GALT: variants seen among roughly 807,000 people sequenced by gnomAD.
GALT encodes UDP-glucose--hexose-1-phosphate uridylyltransferase.
A neutral mutation model predicts 55.4 loss-of-function variants in GALT; 42 were observed. That is an observed-to-expected ratio of 0.76 (90% CI 0.59 to 0.98). GALT has a LOEUF of 0.98. Among genes scored for constraint, GALT ranks in the 50% least tolerant of loss-of-function variants. The pLI is 0.00. For synonymous variants in GALT, 154 were observed against 181.5 expected (o/e 0.85, Z 1.22); for missense variants, 407 against 495.7 (o/e 0.82, Z 1.70).
chr9:34,647,224 C>T lies in GALT; in HGVS notation c.218C>T (p.Pro73Leu). 6.2e-7 allele frequency: 1 copy of T among 1,614,150 alleles called. No individual in the cohort carries two copies. The highest frequency in any genetic ancestry group is 8.5e-7 in the Non-Finnish European group (1 of 1,180,004). Residue 73 changes from proline (P) to leucine (L), a missense_variant, in exon 2 of 11, where the codon CCT (proline) becomes CTT (leucine). Pro to Leu is a moderately conservative substitution (Grantham distance 98, BLOSUM62 -3). Transcript: ENST00000378842. The surrounding 1 kb of genome is among the most constrained non-coding windows in gnomAD (Gnocchi z 5.6). ...GTGCCCCGCCATGACCCTCTCAACC[C>T]TCTGTGTCCTGGGGCCATCCGAGCC... ...KTVPRHDPLN[P>L]LCPGAIRANG...
At position 34,649,474 on chromosome 9, in the gene GALT, C is replaced by T. The variant is rs1821199334; in HGVS notation, c.969C>T (p.Tyr323=). The T allele has an allele frequency of 1.2e-6, 2 of 1,614,078 alleles. No individual in the cohort carries two copies. The highest frequency in any genetic ancestry group is 2.7e-5 in the African/African-American group (2 of 74,928). The change falls in exon 10 of 11, where the codon TAC becomes TAT. Residue 323 remains tyrosine (Y), a synonymous_variant. Transcript: ENST00000378842. ...ATTGGCAGCTGCACGCTCATTACTA[C>T]CCTCCGCTCCTGCGCTCTGCCACTG... is the stretch of plus-strand genomic sequence containing the variant. The part of the protein sequence containing the change: ...WNHWQLHAHY[Y]PPLLRSATVR...
Position 34,650,354 on chromosome 9 carries a change from C to G in GALT, c.1060-15C>G, listed in dbSNP as rs538178324. 6.2e-7 allele frequency: 1 copy of G among 1,608,878 alleles called. No homozygotes were observed. The highest frequency in any genetic ancestry group is 1.1e-5 in the South Asian group (1 of 90,968). ...AGCCCTTATCCTCCTTAATTGCTCC[C>G]TGTCCCTTTTCCAGGCTGCAGAGAG... On this transcript the variant is annotated splice_polypyrimidine_tract_variant and intron_variant, in intron 10 of 10. Transcript: ENST00000378842.
rs2132342533 is a variant in GALT at position 34,647,575 on chromosome 9, G to A, written c.328+8G>A. The A allele has an allele frequency of 1.2e-6, 2 of 1,614,154 alleles. No homozygotes were observed. Among genetic ancestry groups the A allele is most frequent in the Non-Finnish European group, 1.7e-6 (2 of 1,180,034 alleles). On this transcript the variant is annotated splice_region_variant and intron_variant, in intron 3 of 10. Coordinates refer to ENST00000378842, the MANE Select transcript of GALT (RefSeq NM_000155.4). The surrounding 1 kb of genome is among the most constrained non-coding windows in gnomAD (Gnocchi z 5.6). ...CTGATGCCCCCAGTCCAGGTAACCT[G>A]GCTCCAACTGCTGCTGGGGAGGAGG... is the stretch of plus-strand genomic sequence containing the variant.
In GALT at chr9:34,648,436, C is replaced by T. The variant is rs111033750; in HGVS notation, c.667C>T (p.Arg223Cys). ...AGAGCCCCTGCTAATGGAGTACAGC[C>T]GCCAGGAGCTACTCAGGAAGGTGGG... Reference protein sequence around the residue: ...HGEPLLMEYSRQELLRKERLV... With the variant: ...HGEPLLMEYSCQELLRKERLV... The change falls in exon 7 of 11, where the codon CGC becomes TGC. Residue 223 changes from arginine (R) to cysteine (C), a missense_variant. Arg to Cys is a radical substitution (Grantham distance 180, BLOSUM62 -3). Coordinates refer to ENST00000378842, the MANE Select transcript of GALT (RefSeq NM_000155.4). The surrounding 1 kb of genome is among the most constrained non-coding windows in gnomAD (Gnocchi z 4.9). The T allele has an allele frequency of 2.7e-5, 43 of 1,613,998 alleles. No individual in the cohort carries two copies. Among genetic ancestry groups the T allele is most frequent in the Middle Eastern group, 1.6e-4 (1 of 6,084 alleles).
At chr9:34,649,281 C>T (rs1821193438) in intron 9 of GALT, 129 bp from the exon 10 acceptor site, 17 of 1,351,554 alleles carry the variant, frequency 1.3e-5, no homozygotes, top group Non-Finnish European at 1.7e-5. Flanking sequence ...AATCTCCTGC[C>T]AGCTCTTCTC....
intron 10 of GALT, chr9:34,650,152 A>G (rs998899807): frequency 1.8e-5 from 10 of 571,400 alleles, no homozygotes; most frequent in African/African-American, 7.5e-5. Context: ...GTATGGTGGC[A>G]TATACTTGTG....
At chr9:34,649,830 G>A (rs1249094700) in intron 10 of GALT, 7 of 471,006 alleles carry the variant, frequency 1.5e-5, no homozygotes, top group Non-Finnish European at 2.7e-5. Context: ...TGGGACTCAG[G>A]AGCTGCTAAA....
At position 34,650,444 on chromosome 9, in the gene GALT, G is replaced by A. The variant is rs780064274; in HGVS notation, c.1135G>A (p.Ala379Thr). Residue 379 changes from alanine to threonine, a missense_variant, in exon 11 of 11, where the codon GCC becomes ACC. Ala to Thr is a moderately conservative substitution (Grantham distance 58, BLOSUM62 0). Coordinates refer to ENST00000378842, the MANE Select transcript of GALT (RefSeq NM_000155.4). ...GQKDRETATI[A>T] ...GAAGGACAGGGAGACAGCAACCATC[G>A]CCTGACCACGCCGACCACAGGGCCT... is the stretch of plus-strand genomic sequence containing the variant. 1.2e-4 allele frequency: 187 copies of A among 1,613,908 alleles called. 2 individuals carry two copies. In the South Asian group the frequency reaches 2.0e-3, roughly 17 times the overall value.
In GALT at chr9:34,648,466, A is replaced by AGC. The variant is rs754928397; in HGVS notation, c.687+11_687+12dup. 6.2e-7 allele frequency: 1 copy of AGC among 1,614,136 alleles called. No homozygotes were observed. Among genetic ancestry groups the AGC allele is most frequent in the Non-Finnish European group, 8.5e-7 (1 of 1,180,022 alleles). Reference sequence around the variant, plus strand: ...GGAGCTACTCAGGAAGGTGGGAGAGAGCCAAGCCCTGTGTCCCCAAGGAGT... The same window carrying AGC: ...GGAGCTACTCAGGAAGGTGGGAGAGAGCGCCAAGCCCTGTGTCCCCAAGGAGT... On this transcript the variant is annotated intron_variant, in intron 7 of 10. Coordinates refer to ENST00000378842, the MANE Select transcript of GALT (RefSeq NM_000155.4). The surrounding 1 kb of genome is among the most constrained non-coding windows in gnomAD (Gnocchi z 4.9).
chr9:34,646,748 C>T lies in GALT; in HGVS notation c.44C>T (p.Ser15Leu), dbSNP rs759270191. 199 of 1,613,518 alleles carry T rather than the reference C, an allele frequency of 1.2e-4. No individual in the cohort carries two copies. Among genetic ancestry groups the T allele is most frequent in the Non-Finnish European group, 1.5e-4 (179 of 1,179,984 alleles). ...GTDPQQRQQA[S>L]EADAAAATFR... Reference sequence around the variant, plus strand: ...GATCCTCAGCAACGCCAGCAGGCGTCAGAGGCGGACGCCGCAGCAGCAACC... The same window carrying T: ...GATCCTCAGCAACGCCAGCAGGCGTTAGAGGCGGACGCCGCAGCAGCAACC... The change falls in exon 1 of 11, where the codon TCA becomes TTA. Residue 15 changes from serine (S) to leucine (L), a missense_variant. By Grantham distance (145) the Ser-to-Leu change is moderately radical. Transcript: ENST00000378842.
rs771975129 is a variant in GALT at position 34,649,441 on chromosome 9, C to G, written c.936C>G (p.Asn312Lys). ...GAPTGSEAGA[N>K]WNHWQLHAHY... ...CCACAGGATCAGAGGCTGGGGCCAA[C>G]TGGAACCATTGGCAGCTGCACGCTC... Residue 312 changes from asparagine to lysine, a missense_variant, in exon 10 of 11, where the codon AAC becomes AAG. Asn to Lys is a moderately conservative substitution (Grantham distance 94). Coordinates refer to ENST00000378842, the MANE Select transcript of GALT (RefSeq NM_000155.4). 2 of 1,614,210 alleles carry G rather than the reference C, an allele frequency of 1.2e-6. No individual in the cohort carries two copies. The highest frequency in any genetic ancestry group is 1.7e-6 in the Non-Finnish European group (2 of 1,180,042).
In GALT at chr9:34,647,655, A is replaced by C. The variant is rs111033667; in HGVS notation, c.329-2A>C. 1.7e-5 allele frequency: 28 copies of C among 1,614,010 alleles called. No homozygotes were observed. The highest frequency in any genetic ancestry group is 2.3e-5 in the Non-Finnish European group (27 of 1,180,014). The stretch of plus-strand genomic sequence containing the variant: ...GCAGAGAGTGATACTCCTTTACCTC[A>C]GGACCCAGTGATCATCCCCTTTTCC... On this transcript the variant is annotated splice_acceptor_variant, in intron 3 of 10. Transcript: ENST00000378842. LOFTEE classifies it high-confidence loss of function. This position sits in a 1 kb window ranked among gnomAD's most constrained non-coding sequence, Gnocchi z 5.6.
At position 34,650,653 on chromosome 9, in the gene GALT, C is replaced by T. The variant is rs1587242059; in HGVS notation, c.*204C>T. ...GGGTTAAAAGCTAAAGGCATAGCTC[C>T]AGCTACAACTTTTCTTTGTCTACAG... On this transcript the variant is annotated 3_prime_UTR_variant, in exon 11 of 11. Transcript: ENST00000378842. 8.6e-6 allele frequency: 5 copies of T among 582,978 alleles called. No homozygotes were observed. The East Asian group carries it at 1.4e-4, about 17-fold the overall frequency. The allele number at this position is 582,978 out of a possible 1,614,324, so 36.1% of individuals were successfully genotyped here.
In GALT at chr9:34,646,724, A is replaced by G; in HGVS notation, c.20A>G (p.Asp7Gly). Residue 7 changes from aspartate to glycine, a missense_variant, in exon 1 of 11, where the codon GAT becomes GGT. Transcript: ENST00000378842. Reference sequence around the variant, plus strand: ...GGCCTCATGTCGCGCAGTGGAACCGATCCTCAGCAACGCCAGCAGGCGTCA... The same window carrying G: ...GGCCTCATGTCGCGCAGTGGAACCGGTCCTCAGCAACGCCAGCAGGCGTCA... The part of the protein sequence containing the change: MSRSGT[D>G]PQQRQQASEA... 1 of 1,613,754 alleles carries G rather than the reference A, an allele frequency of 6.2e-7. No homozygotes were observed. The highest frequency in any genetic ancestry group is 1.1e-5 in the South Asian group (1 of 91,074).
At chr9:34,649,668 A>C (rs1451570551) in intron 10 of GALT, 104 bp downstream of exon 10, 6 of 1,398,790 alleles carry the variant, frequency 4.3e-6, no homozygotes, top group Non-Finnish European at 6.0e-6. Context: ...CACAAGGCAG[A>C]AAACAGCTCT....
chr9:34,650,126 T>G (rs556543720), intron 10 of GALT: 1 of 499,978 alleles, frequency 2.0e-6, no homozygotes, highest in South Asian at 2.4e-5. Flanking sequence ...CAAAAAAAAT[T>G]TAAAAAGTTA....
chr9:34,646,872 G>C, intron 1 of GALT, 86 bp downstream of exon 1: 3 of 1,608,786 alleles, frequency 1.9e-6, no homozygotes, highest in Non-Finnish European at 2.5e-6. Context: ...CCGAAGGTTG[G>C]AACGCTCATC....
chr9:34,647,259 G>A lies in GALT; in HGVS notation c.252+1G>A, dbSNP rs768154316. 2 of 1,614,094 alleles carry A rather than the reference G, an allele frequency of 1.2e-6. No homozygotes were observed. The highest frequency in any genetic ancestry group is 4.5e-5 in the East Asian group (2 of 44,876). ...TGGGGCCATCCGAGCCAACGGAGAG[G>A]TAAGCCTGTAGAGCCCTGCATCTGC... On this transcript the variant is annotated splice_donor_variant, in intron 2 of 10. Coordinates refer to ENST00000378842, the MANE Select transcript of GALT (RefSeq NM_000155.4). LOFTEE classifies it high-confidence loss of function. This position sits in a 1 kb window ranked among gnomAD's most constrained non-coding sequence, Gnocchi z 5.6.
In GALT at chr9:34,650,282, C is replaced by CA. The variant is rs56121779; in HGVS notation, c.1060-71dup. 200,087 of 568,694 alleles carry CA rather than the reference C, an allele frequency of 0.35. 12,520 individuals carry two copies. Among genetic ancestry groups the CA allele is most frequent in the Admixed American group, 0.43 (14,089 of 32,966 alleles). The allele number at this position is 568,694 out of a possible 1,614,324, so 35.2% of individuals were successfully genotyped here. On this transcript the variant is annotated intron_variant, in intron 10 of 10. Transcript: ENST00000378842. ...TGGGCAACAGAGCAAGACCTCGTCT[C>CA]AAAAAAAAAAAAAAAATGAAGTCCA... is the stretch of plus-strand genomic sequence containing the variant.
Sources: allele counts gnomAD v4.1 joint callset, GRCh38; gene constraint gnomAD v4.1.1; non-coding constraint Gnocchi (gnomAD v3.1); transcripts MANE v1.5; gene names NCBI Gene and HGNC (gene_info 2026-07-23, HGNC 2026-07-21).